The following FAM184A variants were observed in gnomAD, a reference collection of about 807,000 sequenced individuals.
FAM184A encodes protein FAM184A.
A neutral mutation model predicts 143.8 loss-of-function variants in FAM184A; 99 were observed. The observed-to-expected ratio is 0.69, with a 90% CI of 0.58 to 0.81. The LOEUF (loss-of-function observed/expected upper bound fraction) is 0.81. Ranked by LOEUF, FAM184A falls within the 40% of genes least tolerant of loss-of-function variation. The pLI is 0.00. For synonymous variants in FAM184A, 427 were observed against 446.4 expected (o/e 0.96, Z 0.55); for missense variants, 1,217 against 1,310.5 (o/e 0.93, Z 1.10).
At chr6:119,076,914 G>A (rs1176440302) in intron 1 of FAM184A, among the ~76,000 whole-genome samples, 1 of 152,148 alleles carries the variant, frequency 6.6e-6, no homozygotes, top group Non-Finnish European at 1.5e-5. Flanking sequence ...CTGAGACAGT[G>A]CTGAGATCAA....
rs576062244 is a variant in FAM184A, at chr6:119,136,078, A to G, written c.-202+13000T>C. Among the ~76,000 whole-genome samples the G allele has an allele frequency of 8.7e-4, 130 of 150,060 alleles. 2 individuals are homozygous for G. Among genetic ancestry groups the G allele is most frequent in the African/African-American group, 3.0e-3 (124 of 41,080 alleles). ...TGGATCATGAGGTCAGGAGATCGAG[A>G]CCATCCTGGCTAACAAGGTGAAACC... On this transcript the variant is annotated intron_variant, in intron 1 of 16. Coordinates refer to the FAM184A transcript ENST00000352896.
Position 119,037,523 on chromosome 6 carries a change from C to T in FAM184A, c.160-12710G>A, listed in dbSNP as rs913512697. Reference sequence around the variant, plus strand: ...ATGCCTTCACTGTTTGCTATCTAACCAATACAAACACCATCAATATTCTTG... The same window carrying T: ...ATGCCTTCACTGTTTGCTATCTAACTAATACAAACACCATCAATATTCTTG... On this transcript the variant is annotated intron_variant, in intron 1 of 17. Transcript: ENST00000338891. Among the ~76,000 whole-genome samples the T allele has an allele frequency of 3.9e-5, 6 of 152,170 alleles. No individual in the cohort carries two copies. In the East Asian group the frequency reaches 7.7e-4, roughly 20 times the overall value.
chr6:119,117,832 G>C (rs1409481223), intron 1 of FAM184A, among the ~76,000 whole-genome samples: 2 of 152,120 alleles, frequency 1.3e-5, no homozygotes, highest in African/African-American at 4.8e-5. Flanking sequence ...GGTGTGTGGA[G>C]TCTGCCTTTT....
chr6:119,083,177 C>T (rs1788118883), upstream of FAM184A, among the ~76,000 whole-genome samples: 1 of 152,140 alleles, frequency 6.6e-6, no homozygotes, highest in Non-Finnish European at 1.5e-5. Context: ...GTCCCAAGAC[C>T]GTACAAAGTG....
Position 119,023,967 on chromosome 6 carries a change from T to A in FAM184A, c.1006A>T (p.Asn336Tyr). The change falls in exon 2 of 18, where the codon AAT becomes TAT. Residue 336 changes from asparagine (N) to tyrosine (Y), a missense_variant. Coordinates refer to ENST00000338891, the MANE Select transcript of FAM184A (RefSeq NM_024581.6). ...LQTALAIAENNVQVLQKQLDD... is the reference protein window; with the variant it reads ...LQTALAIAENYVQVLQKQLDD... The stretch of plus-strand genomic sequence containing the variant: ...TAATATTCTTTACTTACCTGAACAT[T>A]GTTCTCTGCTATGGCAAGTGCCGTC... 1 of 1,573,976 alleles carries A rather than the reference T, an allele frequency of 6.4e-7. No homozygotes were observed. Among genetic ancestry groups the A allele is most frequent in the Non-Finnish European group, 8.6e-7 (1 of 1,167,322 alleles).
chr6:119,144,379 A>G (rs910880665), intron 1 of FAM184A, among the ~76,000 whole-genome samples: 2 of 151,410 alleles, frequency 1.3e-5, no homozygotes, highest in African/African-American at 4.9e-5. Context: ...CCTGCCTGGG[A>G]CTTGCGTCCT....
rs145773299 is a variant in FAM184A, at chr6:119,046,423, C to T, written c.160-21610G>A. 7.6e-3 allele frequency among the ~76,000 whole-genome samples: 1,162 copies of T among 152,070 alleles called. 8 individuals are homozygous for T. Among genetic ancestry groups the T allele is most frequent in the African/African-American group, 0.027 (1,103 of 41,476 alleles). On this transcript the variant is annotated intron_variant, in intron 1 of 17. Coordinates refer to ENST00000338891, the MANE Select transcript of FAM184A (RefSeq NM_024581.6). ...TATTTTTAGTAGAGACAGGGTTTCACAATGTTGGCCAGGCTGGTCTCAAAC... is the reference window on the plus strand; with the variant it reads ...TATTTTTAGTAGAGACAGGGTTTCATAATGTTGGCCAGGCTGGTCTCAAAC...
At chr6:119,085,366 C>A (rs983283681) in intron 1 of FAM184A, among the ~76,000 whole-genome samples, 7 of 152,306 alleles carry the variant, frequency 4.6e-5, no homozygotes, top group Admixed American at 3.3e-4. Flanking sequence ...ATCCCTAGGG[C>A]AGGGGCACAA....
chr6:119,146,913 C>CCA (rs948918753), intron 1 of FAM184A, among the ~76,000 whole-genome samples: 1 of 151,746 alleles, frequency 6.6e-6, no homozygotes, highest in African/African-American at 2.4e-5. Context: ...GATGTGCACC[C>CCA]CCAGGCTTGC....
At chr6:119,053,966 G>A (rs577248636) in intron 1 of FAM184A, among the ~76,000 whole-genome samples, 4 of 152,164 alleles carry the variant, frequency 2.6e-5, no homozygotes, top group African/African-American at 7.2e-5. Context: ...TTAATGAGAC[G>A]AATATTACGA....
At chr6:119,034,901 G>GA (rs1378806551) in intron 1 of FAM184A, among the ~76,000 whole-genome samples, 6 of 152,076 alleles carry the variant, frequency 3.9e-5, no homozygotes, top group Non-Finnish European at 8.8e-5. Flanking sequence ...AAAAATATTA[G>GA]AAAATGAATT....
intron 1 of FAM184A, among the ~76,000 whole-genome samples, chr6:119,142,283 C>T (rs576255443): frequency 1.3e-5 from 2 of 152,106 alleles, no homozygotes; most frequent in African/African-American, 2.4e-5. Flanking sequence ...GTAATGACCT[C>T]GAAGCCCTGA....
chr6:119,058,382 T>C (rs1184564462), intron 1 of FAM184A, among the ~76,000 whole-genome samples: 2 of 151,776 alleles, frequency 1.3e-5, no homozygotes, highest in Non-Finnish European at 2.9e-5. Context: ...TTTGTGTTTT[T>C]AGTAGAGATG....
At chr6:119,032,511 G>A (rs903131272) in intron 1 of FAM184A, among the ~76,000 whole-genome samples, 7 of 148,352 alleles carry the variant, frequency 4.7e-5, no homozygotes, top group South Asian at 4.4e-4. Flanking sequence ...GAGGGAAGAG[G>A]GAGAGGAAGA....
At chr6:119,116,294 A>T (rs907744401) in intron 1 of FAM184A, among the ~76,000 whole-genome samples, 2 of 152,012 alleles carry the variant, frequency 1.3e-5, no homozygotes, top group Non-Finnish European at 2.9e-5. Flanking sequence ...TATAAGTGGG[A>T]GCTAAACACT....
chr6:119,003,197 A>G, intron 8 of FAM184A, 148 bp from the exon 9 acceptor site: 1 of 738,102 alleles, frequency 1.4e-6, no homozygotes, highest in Non-Finnish European at 2.1e-6. Context: ...TAAGGGCTGT[A>G]AAGTAAATTG....
chr6:119,075,600 C>T lies in FAM184A; in HGVS notation c.159+2541G>A, dbSNP rs954877373. Among the ~76,000 whole-genome samples the T allele has an allele frequency of 2.6e-5, 4 of 152,286 alleles. No individual in the cohort carries two copies. In the South Asian group the frequency reaches 8.3e-4, roughly 32 times the overall value. On this transcript the variant is annotated intron_variant, in intron 1 of 17. Coordinates refer to ENST00000338891, the MANE Select transcript of FAM184A (RefSeq NM_024581.6). ...CTGAAGAGTTGAGTTCTACTGACTTCTTTCCAAAAGAAATAAAATCCAATT... is the reference window on the plus strand; with the variant it reads ...CTGAAGAGTTGAGTTCTACTGACTTTTTTCCAAAAGAAATAAAATCCAATT...
chr6:119,078,803 G>T (rs1304107478), upstream of FAM184A: 1 of 153,870 alleles, frequency 6.5e-6, no homozygotes, highest in African/African-American at 2.4e-5. This position sits in a 1 kb window ranked among gnomAD's most constrained non-coding sequence, Gnocchi z 5.5. Context: ...CCAGCCCCGC[G>T]CAGCCGCCGC....
chr6:119,085,146 C>T (rs1261202479), intron 1 of FAM184A, among the ~76,000 whole-genome samples: 1 of 152,214 alleles, frequency 6.6e-6, no homozygotes, highest in Non-Finnish European at 1.5e-5. Context: ...TAGGCTTTTC[C>T]TTTCTACCAC....
Sources: gnomAD v4.1 joint callset for allele counts (sites outside exome capture counted in the v4.1 genomes callset) on GRCh38, gnomAD v4.1.1 for gene constraint, Gnocchi (gnomAD v3.1) non-coding constraint, MANE v1.5 for transcripts, NCBI Gene and HGNC (gene_info 2026-07-23, HGNC 2026-07-21) for gene names.